Variants in SCHIP1 observed in about 807,000 individuals in gnomAD.
The protein encoded by SCHIP1 is schwannomin interacting protein 1.
Under a neutral mutation model 29.7 loss-of-function variants are expected in SCHIP1, and 8 were observed. That is an observed-to-expected ratio of 0.27 (90% CI 0.16 to 0.49). SCHIP1 has a LOEUF of 0.49. SCHIP1 is among the 20% of genes least tolerant of loss of function. SCHIP1 has a pLI of 0.99. For synonymous variants in SCHIP1, 76 were observed against 94.9 expected (o/e 0.80, Z 1.16); for missense variants, 193 against 294.6 (o/e 0.66, Z 2.52).
the SCHIP1 span, among the ~76,000 whole-genome samples, chr3:159,771,777 GCTAT>G: frequency 1.3e-5 from 2 of 151,586 alleles, no homozygotes; most frequent in African/African-American, 2.4e-5. Context: ...TAGTTCTGGG[GCTAT>G]CTATGTGTAT....
chr3:159,788,830 T>C, the SCHIP1 span, among the ~76,000 whole-genome samples: 1 of 152,164 alleles, frequency 6.6e-6, no homozygotes, highest in Non-Finnish European at 1.5e-5. Context: ...CAATAGGGTA[T>C]AATATATATA....
chr3:159,838,317 C>A (rs1743870228), upstream of SCHIP1, among the ~76,000 whole-genome samples: 3 of 152,124 alleles, frequency 2.0e-5, no homozygotes, highest in Admixed American at 2.0e-4. Context: ...ACATAAACTC[C>A]CACCATTTTT....
chr3:159,538,903 T>A, the SCHIP1 span, among the ~76,000 whole-genome samples: 1 of 152,150 alleles, frequency 6.6e-6, no homozygotes, highest in African/African-American at 2.4e-5. Context: ...CTTTCATATA[T>A]GCTATCTATG....
the SCHIP1 span, among the ~76,000 whole-genome samples, chr3:159,416,396 A>C: frequency 4.6e-5 from 7 of 152,190 alleles, no homozygotes; most frequent in South Asian, 1.5e-3. Context: ...TTTACTGTCC[A>C]TTTTCACCCA....
At chr3:159,507,657 T>C in the SCHIP1 span, among the ~76,000 whole-genome samples, 1 of 152,218 alleles carries the variant, frequency 6.6e-6, no homozygotes, top group Non-Finnish European at 1.5e-5. Flanking sequence ...ACCTAACTTA[T>C]TGAGAGTTTT....
exon 1 of SCHIP1, chr3:159,840,066 C>CG: frequency 6.6e-7 from 1 of 1,506,198 alleles, no homozygotes. Context: ...TTTTAATCTG[C>CG]GGGGAGCCCC....
the SCHIP1 span, among the ~76,000 whole-genome samples, chr3:159,803,266 T>C: frequency 1.3e-5 from 2 of 152,120 alleles, no homozygotes; most frequent in Non-Finnish European, 2.9e-5. Flanking sequence ...ACTAATAAAG[T>C]ATCCCATAGA....
intron 1 of SCHIP1, among the ~76,000 whole-genome samples, chr3:159,860,373 G>C (rs1270635241): frequency 1.3e-5 from 2 of 152,152 alleles, no homozygotes; most frequent in African/African-American, 4.8e-5. Flanking sequence ...AACTCCTGGA[G>C]CTTATTAGAA....
chr3:159,457,655 C>G, the SCHIP1 span, among the ~76,000 whole-genome samples: 1 of 152,050 alleles, frequency 6.6e-6, no homozygotes, highest in Admixed American at 6.6e-5. Context: ...GAAATATATA[C>G]AGTAGTCTTC....
At chr3:159,751,917 G>A in the SCHIP1 span, among the ~76,000 whole-genome samples, 6 of 152,128 alleles carry the variant, frequency 3.9e-5, no homozygotes, top group South Asian at 4.1e-4. Flanking sequence ...TTGAATCATA[G>A]GGGTGGATAC....
At chr3:159,559,323 G>T in the SCHIP1 span, among the ~76,000 whole-genome samples, 1 of 152,096 alleles carries the variant, frequency 6.6e-6, no homozygotes, top group East Asian at 1.9e-4. Context: ...TTTTCAAGGT[G>T]AGCTATTTTT....
chr3:159,860,235 A>G (rs1395988504), intron 1 of SCHIP1, among the ~76,000 whole-genome samples: 1 of 152,178 alleles, frequency 6.6e-6, no homozygotes, highest in East Asian at 1.9e-4. Flanking sequence ...TATTTACTTC[A>G]TTGCTTTAAC....
the SCHIP1 span, among the ~76,000 whole-genome samples, chr3:159,483,215 G>T: frequency 1.3e-5 from 2 of 151,938 alleles, no homozygotes; most frequent in African/African-American, 4.8e-5. Flanking sequence ...TCTCCTTTGC[G>T]GTCAAAGATG....
At chr3:159,820,283 G>T in the SCHIP1 span, among the ~76,000 whole-genome samples, 1 of 151,996 alleles carries the variant, frequency 6.6e-6, no homozygotes, top group Non-Finnish European at 1.5e-5. Flanking sequence ...TAGAATAAAG[G>T]TGTTTTTACA....
the SCHIP1 span, among the ~76,000 whole-genome samples, chr3:159,713,284 GAAAAAAGAAAA>G: frequency 1.4e-5 from 2 of 141,952 alleles, no homozygotes; most frequent in East Asian, 4.1e-4. Flanking sequence ...AAGAAAGAAA[GAAAAAAGAAAA>G]GAAAGAAAGA....
the SCHIP1 span, among the ~76,000 whole-genome samples, chr3:159,805,412 C>A: frequency 2.0e-5 from 3 of 152,326 alleles, no homozygotes; most frequent in Admixed American, 2.0e-4. Context: ...GCGGCTGTGA[C>A]ACACTCACAC....
chr3:159,632,845 G>T, the SCHIP1 span, among the ~76,000 whole-genome samples: 1 of 152,164 alleles, frequency 6.6e-6, no homozygotes, highest in African/African-American at 2.4e-5. Flanking sequence ...ACCACAAGGT[G>T]GGGAGATGTG....
the SCHIP1 span, among the ~76,000 whole-genome samples, chr3:159,565,463 CTA>C: frequency 1.3e-5 from 2 of 152,168 alleles, no homozygotes; most frequent in Non-Finnish European, 2.9e-5. Context: ...GGCGCATCTC[CTA>C]TGTTTCTATC....
the SCHIP1 span, among the ~76,000 whole-genome samples, chr3:159,389,710 A>T: frequency 1.3e-5 from 2 of 152,002 alleles, no homozygotes; most frequent in African/African-American, 2.4e-5. Context: ...GTTTGAAAAA[A>T]TTTGCCCAAG....
Sources: gnomAD v4.1 joint callset for allele counts (sites outside exome capture counted in the v4.1 genomes callset) on GRCh38, gnomAD v4.1.1 for gene constraint, MANE v1.5 for transcripts, NCBI Gene and HGNC (gene_info 2026-07-23, HGNC 2026-07-21) for gene names.